DLGAP1: variants seen among roughly 807,000 people sequenced by gnomAD.
The protein encoded by DLGAP1 is disks large-associated protein 1.
A neutral mutation model predicts 90.8 loss-of-function variants in DLGAP1; 11 were observed. The ratio of observed to expected loss-of-function variants is 0.12; its 90% CI spans 0.08 to 0.20. DLGAP1 has a LOEUF of 0.20. DLGAP1 is among the 10% of genes least tolerant of loss of function. DLGAP1 has a pLI of 1.00. For missense variants in DLGAP1, 1,050 were observed against 1,333.8 expected (o/e 0.79, Z 3.31); for synonymous variants, 558 against 540.7 (o/e 1.03, Z -0.44).
At chr18:3,530,472 A>G (rs2051917377) in intron 10 of DLGAP1, among the ~76,000 whole-genome samples, 1 of 152,162 alleles carries the variant, frequency 6.6e-6, no homozygotes, top group Admixed American at 6.5e-5. Flanking sequence ...GAGAACACCA[A>G]TCAGGAAGCT....
intron 4 of DLGAP1, among the ~76,000 whole-genome samples, chr18:3,876,192 C>T (rs984939741): frequency 1.4e-5 from 2 of 146,428 alleles, no homozygotes; most frequent in African/African-American, 2.6e-5. Context: ...ATCCTCTTTT[C>T]ATTTCCTAGA....
At chr18:3,636,798 C>T (rs1284161042) in intron 7 of DLGAP1, among the ~76,000 whole-genome samples, 1 of 145,660 alleles carries the variant, frequency 6.9e-6, no homozygotes, top group Non-Finnish European at 1.5e-5. Context: ...GATCTCCGCT[C>T]ACTGCAACAT....
At chr18:3,994,406 T>C (rs1030683012) in intron 3 of DLGAP1, among the ~76,000 whole-genome samples, 6 of 152,200 alleles carry the variant, frequency 3.9e-5, no homozygotes, top group Admixed American at 3.9e-4. Flanking sequence ...TGGCTGTATT[T>C]TCTTAACCCT....
At chr18:4,265,858 T>G (rs944673466) in intron 1 of DLGAP1, among the ~76,000 whole-genome samples, 2 of 151,334 alleles carry the variant, frequency 1.3e-5, no homozygotes, top group Non-Finnish European at 1.5e-5. Context: ...TGGCTACTTT[T>G]TTTGTTTTTT....
At chr18:3,724,127 C>A (rs1249932131) in intron 7 of DLGAP1, among the ~76,000 whole-genome samples, 1 of 151,946 alleles carries the variant, frequency 6.6e-6, no homozygotes, top group Non-Finnish European at 1.5e-5. Flanking sequence ...GAGTTTGAGA[C>A]CAGCCTGAGC....
intron 3 of DLGAP1, among the ~76,000 whole-genome samples, chr18:3,907,706 T>C (rs1686376320): frequency 6.6e-6 from 1 of 152,086 alleles, no homozygotes; most frequent in African/African-American, 2.4e-5. Flanking sequence ...TCAAAGGCTG[T>C]GGAAGAGACC....
intron 2 of DLGAP1, among the ~76,000 whole-genome samples, chr18:4,142,788 C>A (rs2076516365): frequency 6.6e-6 from 1 of 152,112 alleles, no homozygotes; most frequent in African/African-American, 2.4e-5. Flanking sequence ...CTAAGTTTTT[C>A]TGTCACTATG....
At chr18:3,817,286 G>C (rs1011669249) in intron 4 of DLGAP1, among the ~76,000 whole-genome samples, 2 of 152,208 alleles carry the variant, frequency 1.3e-5, no homozygotes, top group Middle Eastern at 3.4e-3. Flanking sequence ...TTCAAAGTTA[G>C]TTTATGGTAG....
chr18:3,823,467 T>G (rs889370236), intron 4 of DLGAP1, among the ~76,000 whole-genome samples: 2 of 152,184 alleles, frequency 1.3e-5, no homozygotes, highest in African/African-American at 4.8e-5. Flanking sequence ...TGAGACTTAG[T>G]GGTATTAAAT....
intron 5 of DLGAP1, among the ~76,000 whole-genome samples, chr18:3,806,033 C>T (rs528538183): frequency 1.3e-5 from 2 of 152,302 alleles, no homozygotes. Context: ...ACCCAGCTTG[C>T]TTCTAAAAAG....
At chr18:4,307,632 C>T (rs985044451) in intron 1 of DLGAP1, among the ~76,000 whole-genome samples, 1 of 151,944 alleles carries the variant, frequency 6.6e-6, no homozygotes, top group Non-Finnish European at 1.5e-5. Context: ...CACGGCAGAG[C>T]CAGGCGGCAG....
chr18:4,047,350 T>C (rs2075069214), intron 2 of DLGAP1, among the ~76,000 whole-genome samples: 1 of 152,262 alleles, frequency 6.6e-6, no homozygotes, highest in Admixed American at 6.5e-5. Context: ...GGAAGGATAT[T>C]GTATAAATAT....
intron 9 of DLGAP1, among the ~76,000 whole-genome samples, chr18:3,553,559 A>ATTTGTTTTTTGTTTGTTTTGTTT (rs1175783123): frequency 6.6e-6 from 1 of 152,128 alleles, no homozygotes; most frequent in African/African-American, 2.4e-5. Flanking sequence ...TTTGAGACAG[A>ATTTGTTTTTTGTTTGTTTTGTTT]GTCTCACTCT....
At position 3,499,018 on chromosome 18, in the gene DLGAP1, AG is replaced by A. The variant is rs1327093636; in HGVS notation, c.*166del. The A allele has an allele frequency of 5.5e-6, 3 of 549,528 alleles. No individual in the cohort carries two copies. Among genetic ancestry groups the A allele is most frequent in the African/African-American group, 5.7e-5 (2 of 34,912 alleles). The allele number at this position is 549,528 out of a possible 1,614,324, so 34.0% of individuals were successfully genotyped here. On this transcript the variant is annotated 3_prime_UTR_variant, in exon 13 of 13. Coordinates refer to ENST00000315677, the MANE Select transcript of DLGAP1 (RefSeq NM_004746.4). This position sits in a 1 kb window ranked among gnomAD's most constrained non-coding sequence, Gnocchi z 6.4. ...AACGGGTACGGGAAGTGGGGGGCTG[AG>A]GGGGGCCCGGGGGGCGGCTCCTGCG... is the stretch of plus-strand genomic sequence containing the variant.
chr18:3,659,167 C>G (rs998949458), intron 7 of DLGAP1, among the ~76,000 whole-genome samples: 2 of 151,864 alleles, frequency 1.3e-5, no homozygotes, highest in African/African-American at 4.8e-5. Context: ...TAGTTAGATA[C>G]CTTATATTAA....
intron 1 of DLGAP1, among the ~76,000 whole-genome samples, chr18:4,155,887 T>C (rs1231241798): frequency 6.6e-6 from 1 of 152,046 alleles, no homozygotes; most frequent in East Asian, 1.9e-4. Flanking sequence ...GAACAGTACA[T>C]AGGAGAGGTC....
At chr18:3,829,491 A>T (rs981009892) in intron 4 of DLGAP1, among the ~76,000 whole-genome samples, 3 of 151,872 alleles carry the variant, frequency 2.0e-5, no homozygotes, top group Non-Finnish European at 4.4e-5. Context: ...ACTTGGGGGA[A>T]TCTCTAGAGG....
intron 1 of DLGAP1, among the ~76,000 whole-genome samples, chr18:4,321,140 T>A (rs549396018): frequency 1.3e-5 from 2 of 152,360 alleles, no homozygotes; most frequent in East Asian, 3.9e-4. Context: ...ATTTTCCATA[T>A]GCAGACTGAG....
At chr18:3,502,300 A>G (rs1042959556) in intron 12 of DLGAP1, 193 bp downstream of exon 12, 2 of 1,325,790 alleles carry the variant, frequency 1.5e-6, no homozygotes, top group Non-Finnish European at 1.9e-6. Flanking sequence ...TTTTCTTTAA[A>G]AATATGCCTG....
Sources: gnomAD v4.1 joint callset for allele counts (sites outside exome capture counted in the v4.1 genomes callset) on GRCh38, gnomAD v4.1.1 for gene constraint, Gnocchi (gnomAD v3.1) non-coding constraint, MANE v1.5 for transcripts, NCBI Gene and HGNC (gene_info 2026-07-23, HGNC 2026-07-21) for gene names.